SRPK2: variants seen among roughly 807,000 people sequenced by gnomAD.
SRPK2 encodes the protein SRSF protein kinase 2, also known as SFRS protein kinase 2.
Under a neutral mutation model 90.8 loss-of-function variants are expected in SRPK2, and 21 were observed. The observed-to-expected ratio is 0.23, with a 90% CI of 0.16 to 0.33. SRPK2 has a LOEUF of 0.33. Ranked by LOEUF, SRPK2 falls within the 10% of genes least tolerant of loss-of-function variation. The probability of loss-of-function intolerance (pLI) is 1.00; values close to 1 mark genes in which losing one functional copy is unlikely to be tolerated. For missense variants in SRPK2, 620 were observed against 869.0 expected, an observed-to-expected ratio of 0.71 and a Z score of 3.60; for synonymous variants, 288 against 311.1, an observed-to-expected ratio of 0.93 and a Z score of 0.78.
intron 2 of SRPK2, among the ~76,000 whole-genome samples, chr7:105,290,621 G>T (rs1808844960): frequency 6.6e-6 from 1 of 152,172 alleles, no homozygotes; most frequent in Non-Finnish European, 1.5e-5. Flanking sequence ...TTTGAGGCCA[G>T]GAGATCCAGA....
intron 2 of SRPK2, among the ~76,000 whole-genome samples, chr7:105,230,342 G>T (rs1799269666): frequency 6.6e-6 from 1 of 152,124 alleles, no homozygotes; most frequent in Non-Finnish European, 1.5e-5. Flanking sequence ...CAGCAGCAGG[G>T]CATACGTCCA....
intron 2 of SRPK2, among the ~76,000 whole-genome samples, chr7:105,294,467 G>A (rs528774514): frequency 3.9e-5 from 6 of 152,234 alleles, no homozygotes; most frequent in African/African-American, 7.2e-5. Flanking sequence ...GGTTTGAAAC[G>A]AAGGGAAAGC....
intron 2 of SRPK2, among the ~76,000 whole-genome samples, chr7:105,344,910 T>A (rs963193031): frequency 6.7e-6 from 1 of 149,008 alleles, no homozygotes; most frequent in Non-Finnish European, 1.5e-5. Context: ...CCGAAGTGGG[T>A]GGATCACCAG....
intron 2 of SRPK2, among the ~76,000 whole-genome samples, chr7:105,308,993 C>G (rs977155867): frequency 1.3e-5 from 2 of 152,092 alleles, no homozygotes; most frequent in African/African-American, 4.8e-5. Context: ...GCTTCATTTC[C>G]TATGGCCCCA....
intron 15 of SRPK2, among the ~76,000 whole-genome samples, chr7:105,123,844 G>A (rs891514266): frequency 2.0e-5 from 3 of 152,190 alleles, no homozygotes; most frequent in South Asian, 4.1e-4. Flanking sequence ...AGTCACAAAC[G>A]GTCTCTTATA....
At chr7:105,159,456 A>AAAAAAAAAAAAAAAAAAC (rs1563005667) in intron 7 of SRPK2, among the ~76,000 whole-genome samples, 3 of 144,734 alleles carry the variant, frequency 2.1e-5, no homozygotes, top group Admixed American at 6.9e-5. Flanking sequence ...TCCAAAAAAA[A>AAAAAAAAAAAAAAAAAAC]AAAAAAAAAA....
At chr7:105,119,430 A>G (rs1216559386) in intron 15 of SRPK2, among the ~76,000 whole-genome samples, 7 of 152,180 alleles carry the variant, frequency 4.6e-5, no homozygotes, top group South Asian at 2.1e-4. Flanking sequence ...TTTTGTGTCT[A>G]TTGTGAAGAG....
rs778557425 is a variant in SRPK2, at chr7:105,134,405, G to C, written c.1544-1301C>G. ...GCTTCCCCTTCTACCATATTTGAAAGTTTCCTAAGGCCTCCCCAGCCATGC... is the reference window on the plus strand; with the variant it reads ...GCTTCCCCTTCTACCATATTTGAAACTTTCCTAAGGCCTCCCCAGCCATGC... On this transcript the variant is annotated intron_variant, in intron 11 of 15. Coordinates refer to ENST00000393651, the MANE Select transcript of SRPK2 (RefSeq NM_182692.3). Among the ~76,000 whole-genome samples, 188 of 152,326 alleles carry C rather than the reference G, an allele frequency of 1.2e-3. 1 individual carries two copies. Among genetic ancestry groups the C allele is most frequent in the Non-Finnish European group, 2.0e-3 (137 of 68,030 alleles).
downstream of SRPK2, among the ~76,000 whole-genome samples, chr7:105,115,913 C>T (rs1333307140): frequency 6.6e-6 from 1 of 152,126 alleles, no homozygotes; most frequent in Non-Finnish European, 1.5e-5. Flanking sequence ...CAGTCTACAG[C>T]CACTATCTAT....
At chr7:105,215,727 G>A (rs1797382023) in intron 2 of SRPK2, among the ~76,000 whole-genome samples, 1 of 152,046 alleles carries the variant, frequency 6.6e-6, no homozygotes, top group African/African-American at 2.4e-5. Flanking sequence ...ATAAATCAAA[G>A]CCAGCCACCA....
chr7:105,170,745 G>GAGGAAGGAAGGAAGGA (rs534732760), intron 3 of SRPK2, among the ~76,000 whole-genome samples: 1,416 of 45,590 alleles, frequency 0.031, 121 homozygotes, highest in East Asian at 0.1. Flanking sequence ...GGAAGAAAGG[G>GAGGAAGGAAGGAAGGA]AGGAAGGAAG....
chr7:105,385,063 G>A (rs1211819879), intron 2 of SRPK2, among the ~76,000 whole-genome samples: 3 of 150,912 alleles, frequency 2.0e-5, no homozygotes, highest in Non-Finnish European at 2.9e-5. Context: ...TAGTAGGGAC[G>A]GGGTTTCACC....
At chr7:105,119,946 T>A (rs956120594) in intron 15 of SRPK2, among the ~76,000 whole-genome samples, 1 of 152,200 alleles carries the variant, frequency 6.6e-6, no homozygotes, top group Admixed American at 6.5e-5. Flanking sequence ...AAGATCATGG[T>A]ACAACATTAG....
At chr7:105,387,221 A>T (rs1469409685) in intron 2 of SRPK2, among the ~76,000 whole-genome samples, 1 of 152,232 alleles carries the variant, frequency 6.6e-6, no homozygotes, top group Non-Finnish European at 1.5e-5. Flanking sequence ...ACGTGGAATT[A>T]AATCAATGCT....
intron 3 of SRPK2, among the ~76,000 whole-genome samples, chr7:105,173,977 G>A (rs1295574655): frequency 6.7e-6 from 1 of 148,792 alleles, no homozygotes; most frequent in Non-Finnish European, 1.5e-5. Context: ...GGGTGCAGTG[G>A]CTCACACCTG....
chr7:105,294,603 T>C (rs923065868), intron 2 of SRPK2, among the ~76,000 whole-genome samples: 2 of 152,168 alleles, frequency 1.3e-5, no homozygotes, highest in Non-Finnish European at 2.9e-5. Flanking sequence ...CTCAGCTCAT[T>C]GCAACCTCCG....
At chr7:105,205,876 T>G in intron 2 of SRPK2, 6 of 514,054 alleles carry the variant, frequency 1.2e-5, no homozygotes, top group South Asian at 8.5e-5. Flanking sequence ...GAAAGCTAGC[T>G]GTTTCTTCCT....
At chr7:105,310,531 C>T (rs960862374) in intron 2 of SRPK2, among the ~76,000 whole-genome samples, 6 of 152,072 alleles carry the variant, frequency 3.9e-5, no homozygotes, top group African/African-American at 7.2e-5. Flanking sequence ...GTAGTTCCAG[C>T]TACTCGAGAG....
intron 3 of SRPK2, among the ~76,000 whole-genome samples, chr7:105,181,601 G>A (rs1180096313): frequency 4.6e-5 from 7 of 152,138 alleles, no homozygotes; most frequent in African/African-American, 1.7e-4. Flanking sequence ...CATTACCCTT[G>A]GCAAACTAAC....
Sources: gnomAD v4.1 joint callset for allele counts (sites outside exome capture counted in the v4.1 genomes callset) on GRCh38, gnomAD v4.1.1 for gene constraint, MANE v1.5 for transcripts, NCBI Gene and HGNC (gene_info 2026-07-23, HGNC 2026-07-21) for gene names.